The following NEK11 variants were observed in gnomAD, a reference collection of about 807,000 sequenced individuals.
NEK11 encodes serine/threonine-protein kinase Nek11.
A neutral mutation model predicts 80.7 loss-of-function variants in NEK11; 72 were observed. The observed-to-expected ratio is 0.89, with a 90% confidence interval of 0.74 to 1.08. NEK11 has a LOEUF of 1.08. NEK11 is among the 50% of genes least tolerant of loss of function. The pLI is 0.00. For missense variants in NEK11, 764 were observed against 763.6 expected, an observed-to-expected ratio of 1.00 and a Z score of -0.01; for synonymous variants, 251 against 260.7, an observed-to-expected ratio of 0.96 and a Z score of 0.36.
chr3:131,238,406 A>G (rs1315897347), intron 15 of NEK11, among the ~76,000 whole-genome samples: 1 of 152,186 alleles, frequency 6.6e-6, no homozygotes, highest in East Asian at 1.9e-4. Context: ...TCACAGAACA[A>G]ATACTTAGTA....
At chr3:131,034,560 C>T (rs185043889) in intron 3 of NEK11, among the ~76,000 whole-genome samples, 7 of 152,252 alleles carry the variant, frequency 4.6e-5, no homozygotes, top group South Asian at 4.1e-4. Flanking sequence ...CCACCACACC[C>T]GGCTAATTTT....
chr3:131,169,075 A>G (rs1016847887), intron 13 of NEK11, 138 bp downstream of exon 13: 1 of 563,610 alleles, frequency 1.8e-6, no homozygotes, highest in South Asian at 2.9e-5. Context: ...AAAAAGCTTC[A>G]TTGAGCTGAA....
At chr3:131,120,849 C>T (rs971267141) in intron 5 of NEK11, among the ~76,000 whole-genome samples, 1 of 152,184 alleles carries the variant, frequency 6.6e-6, no homozygotes, top group Non-Finnish European at 1.5e-5. Context: ...AAGGTCTTCT[C>T]TATGCTGTTT....
chr3:131,223,948 A>G (rs1196460808), intron 14 of NEK11, among the ~76,000 whole-genome samples: 3 of 152,196 alleles, frequency 2.0e-5, no homozygotes. Flanking sequence ...AAACTTGAGT[A>G]TATATTTGCA....
chr3:131,342,313 C>A (rs2097299069), intron 17 of NEK11, among the ~76,000 whole-genome samples: 1 of 152,142 alleles, frequency 6.6e-6, no homozygotes, highest in African/African-American at 2.4e-5. Flanking sequence ...TTGTTAGCAC[C>A]AAATGATTGT....
intron 17 of NEK11, among the ~76,000 whole-genome samples, chr3:131,311,932 A>T (rs2096786048): frequency 6.6e-6 from 1 of 152,190 alleles, no homozygotes; most frequent in Non-Finnish European, 1.5e-5. Flanking sequence ...ATTTGAATTT[A>T]TTTTTGATTT....
intron 3 of NEK11, among the ~76,000 whole-genome samples, chr3:131,052,762 A>G (rs1035570173): frequency 6.6e-6 from 1 of 152,214 alleles, no homozygotes; most frequent in African/African-American, 2.4e-5. Context: ...GAATAGGCCC[A>G]GTACCCTCTG....
intron 14 of NEK11, among the ~76,000 whole-genome samples, chr3:131,218,830 G>C (rs2094927298): frequency 6.6e-6 from 1 of 152,080 alleles, no homozygotes; most frequent in African/African-American, 2.4e-5. Context: ...TCATATGTTT[G>C]TTGGTCACAT....
intron 4 of NEK11, among the ~76,000 whole-genome samples, chr3:131,107,014 C>T (rs888867583): frequency 6.6e-6 from 1 of 152,114 alleles, no homozygotes; most frequent in Admixed American, 6.5e-5. Context: ...TTGGCCTTCT[C>T]TAAGGAATCT....
intron 11 of NEK11, 41 bp downstream of exon 11, chr3:131,162,568 T>A (rs1560722810): frequency 1.9e-6 from 3 of 1,605,006 alleles, no homozygotes; most frequent in Non-Finnish European, 2.5e-6. Flanking sequence ...TCGGGACTAC[T>A]TCTCAGGGCT....
intron 14 of NEK11, among the ~76,000 whole-genome samples, chr3:131,212,694 A>G (rs941093154): frequency 6.6e-6 from 1 of 152,160 alleles, no homozygotes; most frequent in African/African-American, 2.4e-5. Flanking sequence ...CTGGAATTCT[A>G]CTGTTAGGGA....
chr3:131,233,523 A>C (rs1425927974), intron 15 of NEK11, among the ~76,000 whole-genome samples: 1 of 152,200 alleles, frequency 6.6e-6, no homozygotes, highest in African/African-American at 2.4e-5. Flanking sequence ...AACTGGCTGG[A>C]ATTCAAATAA....
intron 6 of NEK11, among the ~76,000 whole-genome samples, 183 bp from the exon 7 acceptor site, chr3:131,133,647 T>C (rs998025438): frequency 6.6e-6 from 1 of 151,974 alleles, no homozygotes; most frequent in African/African-American, 2.4e-5. Flanking sequence ...CTATAAAACT[T>C]ATGTTTTTAA....
At chr3:131,337,621 T>C (rs1028762500) in intron 17 of NEK11, among the ~76,000 whole-genome samples, 1 of 149,300 alleles carries the variant, frequency 6.7e-6, no homozygotes, top group Non-Finnish European at 1.5e-5. Context: ...ATAATAATAA[T>C]AAAATTTAAA....
At chr3:131,047,084 G>A (rs2067514920) in intron 3 of NEK11, among the ~76,000 whole-genome samples, 1 of 152,116 alleles carries the variant, frequency 6.6e-6, no homozygotes, top group Non-Finnish European at 1.5e-5. Context: ...CTATTGCTGA[G>A]ACTTTTCAGT....
In NEK11 at chr3:131,206,129, G is replaced by A. The variant is rs972778677; in HGVS notation, c.1400-22399G>A. ...CCTTGTACAGGCACCACACCGTAAC[G>A]TGACCTGGTTACCTGGTTCTGTCCA... On this transcript the variant is annotated intron_variant, in intron 14 of 17. Transcript: ENST00000383366. Among the ~76,000 whole-genome samples, 12 of 152,156 alleles carry A rather than the reference G, an allele frequency of 7.9e-5. No individual in the cohort carries two copies. In the East Asian group the frequency reaches 1.3e-3, roughly 17 times the overall value.
At chr3:131,193,090 A>T (rs1560890295) in intron 14 of NEK11, among the ~76,000 whole-genome samples, 1 of 152,312 alleles carries the variant, frequency 6.6e-6, no homozygotes. Flanking sequence ...AAATAACAGT[A>T]ATAAATCTAT....
Position 131,178,314 on chromosome 3 carries a change from G to A in NEK11, c.1399+7427G>A, listed in dbSNP as rs371109073. Among the ~76,000 whole-genome samples the A allele has an allele frequency of 3.3e-5, 5 of 152,112 alleles. No homozygotes were observed. In the South Asian group the frequency reaches 6.2e-4, roughly 19 times the overall value. ...ATTTTGAAAATATTTTTCTTCAACA[G>A]TAAATTAACCTCAGCTTACTGTAAC... On this transcript the variant is annotated intron_variant, in intron 14 of 17. Coordinates refer to ENST00000383366, the MANE Select transcript of NEK11 (RefSeq NM_024800.5).
At chr3:131,095,903 A>C (rs1271545380) in intron 4 of NEK11, among the ~76,000 whole-genome samples, 1 of 152,208 alleles carries the variant, frequency 6.6e-6, no homozygotes, top group Non-Finnish European at 1.5e-5. Context: ...ATCAGAGGTC[A>C]CTGGCAACAG....
Sources: gnomAD v4.1 joint callset for allele counts (sites outside exome capture counted in the v4.1 genomes callset) on GRCh38, gnomAD v4.1.1 for gene constraint, MANE v1.5 for transcripts, NCBI Gene and HGNC (gene_info 2026-07-23, HGNC 2026-07-21) for gene names.